The following KYAT3 variants were observed in gnomAD, a reference collection of about 807,000 sequenced individuals.
KYAT3 encodes the protein kynurenine--oxoglutarate transaminase 3.
In KYAT3, 50 loss-of-function variants were observed where a neutral mutation model predicts 59.0. The observed-to-expected ratio is 0.85, with a 90% CI of 0.68 to 1.07. The LOEUF (loss-of-function observed/expected upper bound fraction) is 1.07, where lower values mean the gene tolerates loss of function less well. Ranked by LOEUF, KYAT3 falls within the 50% of genes least tolerant of loss-of-function variation. The pLI is 0.00. For synonymous variants in KYAT3, 148 were observed against 177.0 expected (o/e 0.84, Z 1.30); for missense variants, 497 against 533.3 (o/e 0.93, Z 0.67).
intron 13 of KYAT3, among the ~76,000 whole-genome samples, chr1:88,941,487 C>A (rs1424779200): frequency 2.6e-5 from 4 of 151,098 alleles, no homozygotes; most frequent in Non-Finnish European, 5.9e-5. Flanking sequence ...ACTTCATTTT[C>A]ATTTTTAAAG....
At chr1:88,943,239 A>T (rs924220527) in intron 12 of KYAT3, 111 bp downstream of exon 12, 1 of 963,172 alleles carries the variant, frequency 1.0e-6, no homozygotes, top group Non-Finnish European at 1.6e-6. Context: ...CCACAAGTGG[A>T]GTATCATATA....
At position 88,952,952 on chromosome 1, in the gene KYAT3, G is replaced by A. The variant is rs143406936; in HGVS notation, c.954+111C>T. On this transcript the variant is annotated intron_variant, in intron 10 of 13. Transcript: ENST00000260508. ...CCCAAATTCCAAATTATATTAGAAG[G>A]CCCTGCAACAGAAGGATAGAAGGAG... 4.8e-4 allele frequency: 307 copies of A among 646,136 alleles called. 1 individual carries two copies. The East Asian group carries it at 8.1e-3, about 17-fold the overall frequency. The allele number at this position is 646,136 out of a possible 1,614,324, so 40.0% of individuals were successfully genotyped here.
chr1:88,988,223 T>C (rs527416134), intron 2 of KYAT3, 29 bp downstream of exon 2: 1 of 1,456,606 alleles, frequency 6.9e-7, no homozygotes, highest in Non-Finnish European at 9.6e-7. Context: ...ATATGTACAA[T>C]AATTTATCTG....
intron 11 of KYAT3, among the ~76,000 whole-genome samples, chr1:88,946,644 T>C (rs1235472706): frequency 1.3e-5 from 2 of 152,000 alleles, no homozygotes; most frequent in Non-Finnish European, 2.9e-5. Context: ...GGCAAAAATA[T>C]AAGTGATGAC....
downstream of KYAT3, among the ~76,000 whole-genome samples, chr1:88,934,989 A>ATTTTTTTTTTTTTTTTTTTTTTTTTTT (rs59691903): frequency 9.1e-6 from 1 of 110,102 alleles, no homozygotes. Flanking sequence ...TAAAGAAGTG[A>ATTTTTTTTTTTTTTTTTTTTTTTTTTT]TTTTTTTTTT....
chr1:88,985,564 C>A (rs1002576277), intron 2 of KYAT3, among the ~76,000 whole-genome samples: 1 of 152,180 alleles, frequency 6.6e-6, no homozygotes, highest in South Asian at 2.1e-4. Flanking sequence ...CCAGATAGAT[C>A]TTAGTTCAAA....
rs757072967 is a variant in KYAT3 at position 88,968,699 on chromosome 1, C to T, written c.274G>A (p.Asp92Asn). ...CCTCGTGTATACTGATTCAGGCTATCGATTGCTGCAATCTTTGATAATTCT... is the reference window on the plus strand; with the variant it reads ...CCTCGTGTATACTGATTCAGGCTATTGATTGCTGCAATCTTTGATAATTCT... ...KEELSKIAAI[D>N]SLNQYTRGFG... Residue 92 changes from aspartate to asparagine, a missense_variant, in exon 4 of 14, where the codon GAT (aspartate) becomes AAT (asparagine). Transcript: ENST00000260508. 41 of 1,592,912 alleles carry T rather than the reference C, an allele frequency of 2.6e-5. No individual in the cohort carries two copies. Among genetic ancestry groups the T allele is most frequent in the South Asian group, 1.0e-4 (9 of 86,398 alleles).
chr1:88,948,356 G>C (rs1675531495), intron 11 of KYAT3, among the ~76,000 whole-genome samples: 1 of 151,934 alleles, frequency 6.6e-6, no homozygotes, highest in Admixed American at 6.5e-5. Context: ...GATAAATTAG[G>C]CTTCAAGGTT....
chr1:88,945,868 A>G (rs1316947939), intron 11 of KYAT3, among the ~76,000 whole-genome samples: 1 of 152,208 alleles, frequency 6.6e-6, no homozygotes, highest in Non-Finnish European at 1.5e-5. Context: ...GTGGACATTA[A>G]CATTTTTCCA....
intron 13 of KYAT3, 120 bp downstream of exon 13, chr1:88,942,885 G>A (rs922452871): frequency 5.1e-5 from 40 of 779,108 alleles, no homozygotes; most frequent in Admixed American, 9.5e-5. Context: ...TTTTAAAGCC[G>A]TAAGCCAAAA....
At chr1:88,962,944 GC>G (rs1409836460) in intron 5 of KYAT3, among the ~76,000 whole-genome samples, 4 of 151,606 alleles carry the variant, frequency 2.6e-5, no homozygotes, top group Non-Finnish European at 5.9e-5. Context: ...GTTACTCTTC[GC>G]CTTGATTTTT....
At chr1:88,972,499 CAGTT>C (rs1342690941) in intron 2 of KYAT3, among the ~76,000 whole-genome samples, 1 of 152,130 alleles carries the variant, frequency 6.6e-6, no homozygotes, top group Admixed American at 6.5e-5. Flanking sequence ...CTTATGGTGT[CAGTT>C]AGCTCTATCA....
intron 8 of KYAT3, 58 bp from the exon 9 acceptor site, chr1:88,955,283 A>C: frequency 1.0e-6 from 1 of 998,966 alleles, no homozygotes; most frequent in South Asian, 1.4e-5. Context: ...CATTTAGTAT[A>C]ATCTAAAAAC....
intron 13 of KYAT3, among the ~76,000 whole-genome samples, chr1:88,939,894 C>T (rs1195557071): frequency 6.6e-6 from 1 of 152,018 alleles, no homozygotes; most frequent in East Asian, 1.9e-4. Flanking sequence ...TTCGTAAAAT[C>T]TCTGCTTTCT....
At chr1:88,990,345 T>C (rs1677714103) in intron 1 of KYAT3, among the ~76,000 whole-genome samples, 1 of 152,220 alleles carries the variant, frequency 6.6e-6, no homozygotes, top group Non-Finnish European at 1.5e-5. Context: ...CTCATTTTAC[T>C]AGCTCTCTCC....
intron 2 of KYAT3, chr1:88,984,183 A>T (rs1677294834): frequency 4.8e-6 from 1 of 206,676 alleles, no homozygotes; most frequent in Non-Finnish European, 9.7e-6. Context: ...TGTATAATTA[A>T]CAGGAGCCCT....
chr1:88,982,551 C>T (rs1677144792), intron 2 of KYAT3: 2 of 1,447,478 alleles, frequency 1.4e-6, no homozygotes, highest in Non-Finnish European at 1.9e-6. Flanking sequence ...AAAGGTAACA[C>T]AATTTTTCCT....
chr1:88,978,644 T>C (rs774861772), intron 2 of KYAT3, among the ~76,000 whole-genome samples: 1 of 151,936 alleles, frequency 6.6e-6, no homozygotes, highest in Non-Finnish European at 1.5e-5. Context: ...ACTACAGGTA[T>C]GTGGCACCAC....
At chr1:88,990,573 C>T (rs1169987704) in intron 1 of KYAT3, among the ~76,000 whole-genome samples, 2 of 152,224 alleles carry the variant, frequency 1.3e-5, no homozygotes, top group Non-Finnish European at 2.9e-5. Context: ...CTTTTGACAT[C>T]TTACAATCTC....
Sources: allele counts gnomAD v4.1 joint callset (sites outside exome capture counted in the v4.1 genomes callset), GRCh38; gene constraint gnomAD v4.1.1; transcripts MANE v1.5; gene names NCBI Gene and HGNC (gene_info 2026-07-23, HGNC 2026-07-21).